CCDC60: variants seen among roughly 807,000 people sequenced by gnomAD.
The protein encoded by CCDC60 is coiled-coil domain containing 60, also known as coiled-coil domain-containing protein 60.
In CCDC60, 54 loss-of-function variants were observed where a neutral mutation model predicts 63.5. The observed-to-expected ratio is 0.85, with a 90% CI of 0.68 to 1.07. The LOEUF is 1.07. Among genes scored for constraint, CCDC60 ranks in the 50% least tolerant of loss-of-function variants. The pLI, the probability that CCDC60 is intolerant of heterozygous loss-of-function variation, is 0.00. For missense variants in CCDC60, 651 were observed against 684.3 expected (o/e 0.95, Z 0.54); for synonymous variants, 206 against 238.8 (o/e 0.86, Z 1.27).
intron 4 of CCDC60, among the ~76,000 whole-genome samples, chr12:119,488,417 C>G (rs932275158): frequency 6.6e-6 from 1 of 152,138 alleles, no homozygotes; most frequent in Admixed American, 6.5e-5. Context: ...CTGGGGGACC[C>G]CTTCTTGTTT....
chr12:119,499,094 T>C (rs1236634103), intron 5 of CCDC60, among the ~76,000 whole-genome samples: 1 of 152,244 alleles, frequency 6.6e-6, no homozygotes, highest in Non-Finnish European at 1.5e-5. Context: ...GCTGTCCCTT[T>C]AGCCCCCTCA....
At chr12:119,497,343 T>C (rs1593173964) in intron 5 of CCDC60, among the ~76,000 whole-genome samples, 1 of 152,208 alleles carries the variant, frequency 6.6e-6, no homozygotes, top group Non-Finnish European at 1.5e-5. Flanking sequence ...TTCCTTCCCC[T>C]ATTGATCTTC....
chr12:119,478,511 C>A (rs1240526120), intron 3 of CCDC60, among the ~76,000 whole-genome samples: 1 of 151,852 alleles, frequency 6.6e-6, no homozygotes, highest in Non-Finnish European at 1.5e-5. Flanking sequence ...GCAAACATTT[C>A]CAACCCTAGT....
intron 2 of CCDC60, among the ~76,000 whole-genome samples, chr12:119,441,989 A>T (rs1037810396): frequency 6.6e-6 from 1 of 152,148 alleles, no homozygotes; most frequent in South Asian, 2.1e-4. Context: ...CATTTTTTTT[A>T]AAGTTTAAAA....
intron 1 of CCDC60, among the ~76,000 whole-genome samples, chr12:119,364,884 G>A (rs1251325139): frequency 6.6e-6 from 1 of 152,156 alleles, no homozygotes; most frequent in Non-Finnish European, 1.5e-5. Flanking sequence ...CCCTGAAAAA[G>A]CATTTGAGAT....
At chr12:119,441,685 T>C (rs1950448588) in intron 2 of CCDC60, among the ~76,000 whole-genome samples, 1 of 152,232 alleles carries the variant, frequency 6.6e-6, no homozygotes, top group Non-Finnish European at 1.5e-5. Context: ...CTCAATATTG[T>C]CTTTCTGAGA....
At chr12:119,500,542 C>T (rs1466495009) in intron 6 of CCDC60, among the ~76,000 whole-genome samples, 1 of 148,376 alleles carries the variant, frequency 6.7e-6, no homozygotes, top group Non-Finnish European at 1.5e-5. Context: ...CCCCCACCCC[C>T]ACCCCGCTTT....
chr12:119,451,018 C>G (rs186634243), intron 2 of CCDC60, among the ~76,000 whole-genome samples: 1 of 151,966 alleles, frequency 6.6e-6, no homozygotes, highest in African/African-American at 2.4e-5. Context: ...AGGGAGTGGC[C>G]CTTGTGCAGG....
chr12:119,350,170 ATTATTTATTTATTTATTTAT>A (rs10534165), intron 1 of CCDC60, among the ~76,000 whole-genome samples: 7 of 144,734 alleles, frequency 4.8e-5, no homozygotes, highest in East Asian at 2.0e-4. Context: ...TCTTTGCTTT[ATTATTTATTTATTTATTTAT>A]TTATTTATTT....
intron 6 of CCDC60, 125 bp downstream of exon 6, chr12:119,500,293 AGTCAGAG>A (rs1472978390): frequency 1.0e-5 from 7 of 678,390 alleles, no homozygotes; most frequent in Non-Finnish European, 1.3e-5. Context: ...AGTGAAGGGA[AGTCAGAG>A]CCACAGGCTG....
At chr12:119,373,455 TC>T (rs1284912717) in intron 1 of CCDC60, among the ~76,000 whole-genome samples, 4 of 152,082 alleles carry the variant, frequency 2.6e-5, no homozygotes, top group African/African-American at 9.7e-5. Context: ...ACCCTGCTTA[TC>T]ACAATTGAGG....
At chr12:119,459,597 C>T (rs541447300) in intron 2 of CCDC60, among the ~76,000 whole-genome samples, 1 of 152,302 alleles carries the variant, frequency 6.6e-6, no homozygotes, top group African/African-American at 2.4e-5. Flanking sequence ...CCCATTGCTC[C>T]TATAGATAAC....
chr12:119,342,612 T>C (rs1053916913), intron 1 of CCDC60, among the ~76,000 whole-genome samples: 1 of 152,188 alleles, frequency 6.6e-6, no homozygotes, highest in Non-Finnish European at 1.5e-5. Context: ...TCCATAGTAG[T>C]ACCCATCAAA....
In CCDC60 at chr12:119,334,927, C is replaced by T. The variant is rs566232537; in HGVS notation, c.-250C>T. ...GGAGGAAGCTTACAGAAGTTTATAA[C>T]CTTTCAAAAAGTAAATAAGTCCAGG... is the stretch of plus-strand genomic sequence containing the variant. On this transcript the variant is annotated 5_prime_UTR_variant, in exon 1 of 14. Transcript: ENST00000327554. The T allele has an allele frequency of 1.1e-5, 4 of 369,430 alleles. No individual in the cohort carries two copies. The highest frequency in any genetic ancestry group is 2.1e-5 in the African/African-American group (1 of 48,032). The allele number at this position is 369,430 out of a possible 1,614,324, so 22.9% of individuals were successfully genotyped here. A position where few individuals can be genotyped will look rare whatever the true frequency, so the allele number is the denominator to read the frequency against.
chr12:119,454,045 T>C (rs190254720), intron 2 of CCDC60, among the ~76,000 whole-genome samples: 5 of 152,344 alleles, frequency 3.3e-5, no homozygotes, highest in African/African-American at 1.2e-4. Flanking sequence ...GCTATTAATG[T>C]ATCCAAATTT....
chr12:119,361,129 A>G (rs925266624), intron 1 of CCDC60, among the ~76,000 whole-genome samples: 9 of 140,286 alleles, frequency 6.4e-5, no homozygotes, highest in Non-Finnish European at 9.1e-5. Flanking sequence ...GACCGTGGAA[A>G]GAGAGGGAGA....
chr12:119,356,921 T>C (rs1001285232), intron 1 of CCDC60, among the ~76,000 whole-genome samples: 3 of 152,346 alleles, frequency 2.0e-5, no homozygotes, highest in South Asian at 2.1e-4. Context: ...ATAACATACA[T>C]AGAGAAAAGC....
At chr12:119,496,897 A>G (rs1951726302) in intron 5 of CCDC60, among the ~76,000 whole-genome samples, 1 of 152,202 alleles carries the variant, frequency 6.6e-6, no homozygotes, top group Non-Finnish European at 1.5e-5. Flanking sequence ...TCACAAGGAT[A>G]TTAAATGGGT....
chr12:119,519,467 ATT>A (rs60025828), intron 8 of CCDC60, among the ~76,000 whole-genome samples: 3 of 95,278 alleles, frequency 3.1e-5, no homozygotes, highest in South Asian at 3.3e-4. Context: ...ATATATATAT[ATT>A]TTTTTTTTTT....
Sources: allele counts gnomAD v4.1 joint callset (sites outside exome capture counted in the v4.1 genomes callset), GRCh38; gene constraint gnomAD v4.1.1; transcripts MANE v1.5; gene names NCBI Gene and HGNC (gene_info 2026-07-23, HGNC 2026-07-21).